The following TBC1D5 variants were observed in gnomAD, a reference collection of about 807,000 sequenced individuals.
TBC1D5 encodes the protein TBC1 domain family member 5.
In TBC1D5, 75 loss-of-function variants were observed where a neutral mutation model predicts 100.3. The ratio of observed to expected loss-of-function variants is 0.75; its 90% CI spans 0.62 to 0.91. The LOEUF (loss-of-function observed/expected upper bound fraction) is 0.91, where lower values mean the gene tolerates loss of function less well. Ranked by LOEUF, TBC1D5 falls within the 40% of genes least tolerant of loss-of-function variation. The probability of loss-of-function intolerance (pLI) is 0.00; values close to 1 mark genes in which losing one functional copy is unlikely to be tolerated. For synonymous variants in TBC1D5, 323 were observed against 325.6 expected (o/e 0.99, Z 0.09); for missense variants, 910 against 942.4 (o/e 0.97, Z 0.45).
intron 2 of TBC1D5, among the ~76,000 whole-genome samples, chr3:17,569,580 C>T (rs1399883087): frequency 6.6e-6 from 1 of 151,286 alleles, no homozygotes; most frequent in African/African-American, 2.4e-5. Flanking sequence ...TTTATCCACC[C>T]TGCATATGAA....
At chr3:17,628,612 G>T (rs182915251) in intron 1 of TBC1D5, among the ~76,000 whole-genome samples, 1 of 152,178 alleles carries the variant, frequency 6.6e-6, no homozygotes, top group East Asian at 1.9e-4. Context: ...CCCTGGGAAC[G>T]GTTTAATTGT....
intron 2 of TBC1D5, among the ~76,000 whole-genome samples, chr3:17,533,553 C>T (rs924265566): frequency 6.6e-6 from 1 of 152,178 alleles, no homozygotes; most frequent in Non-Finnish European, 1.5e-5. Flanking sequence ...TGATTAAAAA[C>T]ACTGCCTTCC....
At chr3:17,594,565 T>C (rs912291615) in intron 2 of TBC1D5, among the ~76,000 whole-genome samples, 1 of 152,218 alleles carries the variant, frequency 6.6e-6, no homozygotes, top group African/African-American at 2.4e-5. Flanking sequence ...ATTTCCTCCT[T>C]CTGTTAGAAA....
chr3:17,665,165 G>A (rs2067123035), intron 1 of TBC1D5: 2 of 150,574 alleles, frequency 1.3e-5, no homozygotes. Context: ...TTAAACTACA[G>A]AAGGGCCTTG....
chr3:17,292,493 C>T (rs992917810), intron 14 of TBC1D5, among the ~76,000 whole-genome samples: 2 of 152,088 alleles, frequency 1.3e-5, no homozygotes, highest in Admixed American at 6.6e-5. Context: ...AGTAGAATTT[C>T]TTCTAATTAT....
intron 15 of TBC1D5, among the ~76,000 whole-genome samples, chr3:17,271,292 G>A (rs1435815400): frequency 2.0e-5 from 3 of 151,872 alleles, no homozygotes; most frequent in Non-Finnish European, 2.9e-5. Flanking sequence ...GATTTCTTTC[G>A]GCAGTGTTTT....
At chr3:17,373,355 C>G (rs2092560495) in intron 12 of TBC1D5, among the ~76,000 whole-genome samples, 1 of 152,082 alleles carries the variant, frequency 6.6e-6, no homozygotes, top group South Asian at 2.1e-4. Flanking sequence ...AGGAAATAAG[C>G]CATACTGGAA....
chr3:17,727,872 TG>T (rs2076248329), intron 1 of TBC1D5, among the ~76,000 whole-genome samples: 1 of 152,212 alleles, frequency 6.6e-6, no homozygotes, highest in African/African-American at 2.4e-5. Context: ...CGCTTATGAA[TG>T]ACTATGGCTA....
intron 8 of TBC1D5, among the ~76,000 whole-genome samples, chr3:17,397,953 A>C (rs550196719): frequency 6.6e-6 from 1 of 152,306 alleles, no homozygotes; most frequent in South Asian, 2.1e-4. Flanking sequence ...GCAATAGCTT[A>C]TAAATATGTT....
At chr3:17,493,696 T>C (rs1406663732) in intron 3 of TBC1D5, among the ~76,000 whole-genome samples, 1 of 152,222 alleles carries the variant, frequency 6.6e-6, no homozygotes, top group African/African-American at 2.4e-5. Flanking sequence ...TCTGATATCC[T>C]TTCTTCCACT....
chr3:17,179,548 A>T (rs1183554116), intron 19 of TBC1D5, among the ~76,000 whole-genome samples: 1 of 152,188 alleles, frequency 6.6e-6, no homozygotes, highest in East Asian at 1.9e-4. Context: ...TCAGTAGACT[A>T]ATCAGTGAAA....
intron 3 of TBC1D5, among the ~76,000 whole-genome samples, chr3:17,488,859 C>T (rs1349514618): frequency 6.6e-6 from 1 of 151,302 alleles, no homozygotes; most frequent in East Asian, 1.9e-4. Context: ...GCTCTGCCTT[C>T]CGTCAGATCT....
intron 13 of TBC1D5, among the ~76,000 whole-genome samples, chr3:17,370,122 C>G (rs1228632980): frequency 3.9e-5 from 6 of 152,062 alleles, no homozygotes; most frequent in Non-Finnish European, 5.9e-5. Context: ...CTGAAACTAA[C>G]TGAAGGAAAC....
chr3:17,171,320 G>A (rs971230095), intron 19 of TBC1D5, among the ~76,000 whole-genome samples: 1 of 152,116 alleles, frequency 6.6e-6, no homozygotes, highest in Non-Finnish European at 1.5e-5. Flanking sequence ...CTACTTTTTG[G>A]AGGGGGATGG....
chr3:17,209,110 T>C lies in TBC1D5; in HGVS notation c.1752+5097A>G, dbSNP rs537409665. Among the ~76,000 whole-genome samples the C allele has an allele frequency of 2.6e-5, 4 of 152,298 alleles. No individual in the cohort carries two copies. In the South Asian group the frequency reaches 8.3e-4, roughly 32 times the overall value. ...CAACCATTTTAAATTCTTTTACCCA[T>C]TTTGTTTTTTCACCTCTATATCATC... On this transcript the variant is annotated intron_variant, in intron 18 of 21. Coordinates refer to ENST00000253692, the Ensembl canonical transcript of TBC1D5.
At chr3:17,180,239 A>G (rs1559361356) in intron 19 of TBC1D5, among the ~76,000 whole-genome samples, 1 of 152,204 alleles carries the variant, frequency 6.6e-6, no homozygotes, top group Non-Finnish European at 1.5e-5. Flanking sequence ...AGGTAATAAA[A>G]TTAGAATTTT....
intron 2 of TBC1D5, among the ~76,000 whole-genome samples, chr3:17,575,814 C>T (rs1475705697): frequency 1.3e-5 from 2 of 152,052 alleles, no homozygotes; most frequent in Non-Finnish European, 2.9e-5. Flanking sequence ...TGCAAATTCT[C>T]TAAAAATATA....
intron 15 of TBC1D5, among the ~76,000 whole-genome samples, chr3:17,286,727 C>G (rs283918): frequency 0.43 from 64,794 of 152,000 alleles, 14,555 homozygotes; most frequent in Middle Eastern, 0.51. Context: ...TGAAGAATTT[C>G]TATGAGAAAT....
intron 3 of TBC1D5, among the ~76,000 whole-genome samples, chr3:17,434,250 C>T (rs2094495907): frequency 6.6e-6 from 1 of 152,250 alleles, no homozygotes. Context: ...TTCCCTTCCA[C>T]ACTGCCATAG....
Sources: gnomAD v4.1 joint callset for allele counts (sites outside exome capture counted in the v4.1 genomes callset) on GRCh38, gnomAD v4.1.1 for gene constraint, MANE v1.5 for transcripts, NCBI Gene and HGNC (gene_info 2026-07-23, HGNC 2026-07-21) for gene names.